ASB3: variants seen among roughly 807,000 people sequenced by gnomAD.
The protein encoded by ASB3 is ankyrin repeat and SOCS box protein 3.
A neutral mutation model predicts 54.5 loss-of-function variants in ASB3; 41 were observed. The observed-to-expected ratio is 0.75, with a 90% CI of 0.59 to 0.98. The LOEUF (loss-of-function observed/expected upper bound fraction) is 0.98, where lower values mean the gene tolerates loss of function less well. Ranked by LOEUF, ASB3 falls within the 50% of genes least tolerant of loss-of-function variation. The pLI is 0.00. For missense variants in ASB3, 733 were observed against 620.0 expected, an observed-to-expected ratio of 1.18 and a Z score of -1.94; for synonymous variants, 266 against 221.2, an observed-to-expected ratio of 1.20 and a Z score of -1.80.
intron 9 of ASB3, among the ~76,000 whole-genome samples, chr2:53,685,914 C>T (rs1012773209): frequency 5.3e-5 from 8 of 152,164 alleles, no homozygotes; most frequent in African/African-American, 1.9e-4. Context: ...TACAAATGAT[C>T]TGTTCTTAGA....
intron 1 of ASB3, among the ~76,000 whole-genome samples, chr2:53,780,823 G>A (rs1674604149): frequency 6.6e-6 from 1 of 152,022 alleles, no homozygotes; most frequent in African/African-American, 2.4e-5. Flanking sequence ...ATACAGAAAG[G>A]CAAATTACCA....
At chr2:53,704,345 G>A (rs2103783836) in intron 7 of ASB3, among the ~76,000 whole-genome samples, 1 of 137,608 alleles carries the variant, frequency 7.3e-6, no homozygotes, top group Middle Eastern at 4.0e-3. Context: ...GGGCCACAGA[G>A]CGAGAGACTG....
intron 1 of ASB3, chr2:53,767,907 G>C: frequency 6.2e-7 from 1 of 1,612,966 alleles, no homozygotes; most frequent in Non-Finnish European, 8.5e-7. Context: ...TTGGTTACGG[G>C]TCCCTGATCT....
At chr2:53,719,789 C>T (rs141828752) in intron 5 of ASB3, among the ~76,000 whole-genome samples, 13 of 152,272 alleles carry the variant, frequency 8.5e-5, no homozygotes, top group African/African-American at 2.9e-4. Flanking sequence ...AACTGCCAAC[C>T]CATCTTTTGT....
chr2:53,705,951 G>T (rs201163930), intron 7 of ASB3, among the ~76,000 whole-genome samples: 15,607 of 152,070 alleles, frequency 0.1, 964 homozygotes, highest in Non-Finnish European at 0.14. Context: ...CACACATCCG[G>T]GCAAGGTGAT....
chr2:53,730,233 C>T (rs1172715760), intron 3 of ASB3, among the ~76,000 whole-genome samples: 2 of 152,028 alleles, frequency 1.3e-5, no homozygotes, highest in Non-Finnish European at 2.9e-5. Flanking sequence ...AACAGAATGC[C>T]AGAATAGAAT....
At chr2:53,758,776 T>C (rs1672978458) in intron 2 of ASB3, among the ~76,000 whole-genome samples, 2 of 152,288 alleles carry the variant, frequency 1.3e-5, no homozygotes, top group South Asian at 2.1e-4. Flanking sequence ...TCTGGGATAA[T>C]GCTCATTGGA....
chr2:53,769,073 C>T (rs944290276), intron 1 of ASB3, among the ~76,000 whole-genome samples: 1 of 152,176 alleles, frequency 6.6e-6, no homozygotes, highest in Non-Finnish European at 1.5e-5. Flanking sequence ...GGATGTTGGA[C>T]ACAGTGACCT....
At chr2:53,679,189 A>G (rs936067484) in intron 9 of ASB3, among the ~76,000 whole-genome samples, 4 of 152,184 alleles carry the variant, frequency 2.6e-5, no homozygotes, top group African/African-American at 9.7e-5. Flanking sequence ...CTGCACCCCA[A>G]TACAAAGAAA....
rs368092137 is a variant in ASB3, at chr2:53,670,542, C to A, written c.1518G>T (p.Met506Ile). Residue 506 changes from methionine to isoleucine, a missense_variant, in exon 10 of 10, where the codon ATG becomes ATT. Met to Ile is a conservative substitution (Grantham distance 10). Transcript: ENST00000263634. ...TAGCTGCCAGTTCTGGAACTTCATA[C>A]ATCCTCAGAACGTCTTCATAGAGCA... ...NYLLYEDVLR[M>I]YEVPELAAIQ... 3 of 1,613,834 alleles carry A rather than the reference C, an allele frequency of 1.9e-6. No homozygotes were observed. The African/African-American group carries it at 4.0e-5, about 22-fold the overall frequency.
In ASB3 at chr2:53,714,574, C is replaced by A; in HGVS notation, c.790G>T (p.Asp264Tyr). 1 of 1,613,696 alleles carries A rather than the reference C, an allele frequency of 6.2e-7. No individual in the cohort carries two copies. Among genetic ancestry groups the A allele is most frequent in the Non-Finnish European group, 8.5e-7 (1 of 1,179,888 alleles). The change falls in exon 7 of 10, where the codon GAC becomes TAC. Residue 264 changes from aspartate to tyrosine, a missense_variant. Physicochemically the swap from Asp to Tyr is radical, Grantham distance 160. Transcript: ENST00000263634. ...CGGTTAGTAAGTGGTATTAACAAGT[C>A]CAAGATTCTATAAATACACAAATTC... ...AAQMGHTKIL[D>Y]LLIPLTNRAC... is the part of the protein sequence containing the mutation.
intron 5 of ASB3, among the ~76,000 whole-genome samples, chr2:53,725,681 G>C (rs1289889377): frequency 6.6e-6 from 1 of 152,130 alleles, no homozygotes; most frequent in Non-Finnish European, 1.5e-5. Flanking sequence ...TCATCATCAA[G>C]ACGGAAAAGG....
At chr2:53,702,005 T>C (rs1000117349) in intron 7 of ASB3, among the ~76,000 whole-genome samples, 9 of 152,326 alleles carry the variant, frequency 5.9e-5, no homozygotes, top group South Asian at 2.1e-4. Context: ...TCAATATTAT[T>C]TAATCCTGTA....
intron 7 of ASB3, among the ~76,000 whole-genome samples, chr2:53,712,091 G>T (rs902579382): frequency 1.3e-5 from 2 of 151,092 alleles, no homozygotes; most frequent in African/African-American, 4.9e-5. Flanking sequence ...ACTTGTGAAA[G>T]GAAAAGAAAA....
At chr2:53,681,986 C>T (rs1467532811) in intron 9 of ASB3, among the ~76,000 whole-genome samples, 2 of 151,726 alleles carry the variant, frequency 1.3e-5, no homozygotes, top group Non-Finnish European at 2.9e-5. Flanking sequence ...GGTGAAACCT[C>T]GTCTCTACTA....
chr2:53,765,283 C>A, intron 2 of ASB3, 94 bp downstream of exon 2: 1 of 1,509,698 alleles, frequency 6.6e-7, no homozygotes, highest in South Asian at 1.3e-5. Context: ...GAAAGGGAAA[C>A]AAATACTACT....
At chr2:53,744,405 T>TA (rs748981278) in intron 3 of ASB3, among the ~76,000 whole-genome samples, 4 of 148,490 alleles carry the variant, frequency 2.7e-5, no homozygotes, top group South Asian at 2.1e-4. Context: ...ATAAAAAAAT[T>TA]AAAAAAAATA....
At position 53,703,949 on chromosome 2, in the gene ASB3, A is replaced by G. The variant is rs1368155362; in HGVS notation, c.981-3421T>C. 2.0e-5 allele frequency among the ~76,000 whole-genome samples: 3 copies of G among 152,350 alleles called. No individual in the cohort carries two copies. In the East Asian group the frequency reaches 5.8e-4, roughly 29 times the overall value. The stretch of plus-strand genomic sequence containing the variant: ...TTACCAAATCCCTAAAAATTAGAAT[A>G]TCAAATAATTAATTTTGGAAAATTG... On this transcript the variant is annotated intron_variant, in intron 7 of 9. Transcript: ENST00000263634.
At chr2:53,687,747 G>A (rs923875893) in intron 9 of ASB3, among the ~76,000 whole-genome samples, 3 of 152,166 alleles carry the variant, frequency 2.0e-5, no homozygotes, top group Non-Finnish European at 2.9e-5. Flanking sequence ...AGCAAGTGGT[G>A]AGTTATTGCA....
Sources: allele counts gnomAD v4.1 joint callset (sites outside exome capture counted in the v4.1 genomes callset), GRCh38; gene constraint gnomAD v4.1.1; transcripts MANE v1.5; gene names NCBI Gene and HGNC (gene_info 2026-07-23, HGNC 2026-07-21).